Variants in CDH4 observed in about 807,000 individuals in gnomAD.
CDH4 encodes cadherin-4.
CDH4 carries 33 observed loss-of-function variants against 86.0 expected under a neutral mutation model. That is an observed-to-expected ratio of 0.38 (90% CI 0.29 to 0.51). The LOEUF (loss-of-function observed/expected upper bound fraction) is 0.51, where lower values mean the gene tolerates loss of function less well. Among genes scored for constraint, CDH4 ranks in the 20% least tolerant of loss-of-function variants. The pLI, the probability that CDH4 is intolerant of heterozygous loss-of-function variation, is 0.86. For missense variants in CDH4, 1,114 were observed against 1,307.4 expected (o/e 0.85, Z 2.28); for synonymous variants, 555 against 549.4 (o/e 1.01, Z -0.14).
intron 7 of CDH4, among the ~76,000 whole-genome samples, chr20:61,882,061 G>T (rs150546633): frequency 6.6e-6 from 1 of 152,222 alleles, no homozygotes; most frequent in African/African-American, 2.4e-5. Flanking sequence ...CAAGCCCCTG[G>T]ATGGAGCCGG....
chr20:61,921,261 GTGGAAGCGTGGTGTCACAGTGATTGCA>G (rs2054979930), intron 9 of CDH4, among the ~76,000 whole-genome samples: 1 of 139,552 alleles, frequency 7.2e-6, no homozygotes, highest in Non-Finnish European at 1.6e-5. Context: ...CGGTGATTGC[GTGGAAGCGTGGTGTCACAGTGATTGCA>G]TGGAAGCGTG....
intron 2 of CDH4, among the ~76,000 whole-genome samples, chr20:61,404,156 G>A (rs917398964): frequency 2.0e-5 from 3 of 151,750 alleles, no homozygotes; most frequent in Admixed American, 1.3e-4. Context: ...ACAGCCAGGC[G>A]GGTACAGGGG....
At chr20:61,320,878 G>A (rs919611111) in intron 2 of CDH4, among the ~76,000 whole-genome samples, 30 of 152,048 alleles carry the variant, frequency 2.0e-4, no homozygotes, top group Non-Finnish European at 4.3e-4. Flanking sequence ...GCTGTGGCGT[G>A]AAGACAGTAT....
Position 61,565,269 on chromosome 20 carries a change from GTCCTCT to G in CDH4, c.170-178292_170-178287del, listed in dbSNP as rs1568688779. On this transcript the variant is annotated intron_variant, in intron 2 of 15. Transcript: ENST00000614565. ...GGTGCTCTTGGTGATGGTGGTGGTG[GTCCTCT>G]TGGTGATGGGGTGATGGTGGTGGCG... Among the ~76,000 whole-genome samples the G allele has an allele frequency of 1.6e-4, 18 of 109,434 alleles. 2 individuals are homozygous for G. The highest frequency in any genetic ancestry group is 5.4e-4 in the East Asian group (2 of 3,734). 71.8% of individuals were successfully genotyped at this position (109,434 alleles called of 152,430 possible). A position where few individuals can be genotyped will look rare whatever the true frequency, so the allele number is the denominator to read the frequency against.
chr20:61,495,396 C>T (rs551024923), intron 2 of CDH4, among the ~76,000 whole-genome samples: 1 of 152,126 alleles, frequency 6.6e-6, no homozygotes, highest in Non-Finnish European at 1.5e-5. Flanking sequence ...AACCCCTCCC[C>T]CCGCCGCCAG....
At chr20:61,733,006 G>C (rs1258810923) in intron 2 of CDH4, among the ~76,000 whole-genome samples, 4 of 152,132 alleles carry the variant, frequency 2.6e-5, no homozygotes, top group African/African-American at 9.6e-5. Context: ...CTAGACCCCA[G>C]CTCCCACCTC....
rs1054435060 is a variant in CDH4 at position 61,735,649 on chromosome 20, G to A, written c.170-7914G>A. Among the ~76,000 whole-genome samples, 6 of 152,236 alleles carry A rather than the reference G, an allele frequency of 3.9e-5. No homozygotes were observed. The East Asian group carries it at 7.7e-4, about 20-fold the overall frequency. On this transcript the variant is annotated intron_variant, in intron 2 of 15. Coordinates refer to ENST00000614565, the MANE Select transcript of CDH4 (RefSeq NM_001794.5). ...ACATCTGCCCCCTCCGCTGGACCCC[G>A]TGCTCCCTGATGATGGTGCCCAGGG...
chr20:61,316,914 C>A (rs1026755456), intron 2 of CDH4, among the ~76,000 whole-genome samples: 1 of 151,964 alleles, frequency 6.6e-6, no homozygotes, highest in Non-Finnish European at 1.5e-5. Context: ...CTCCAGCCTC[C>A]CTCAGGTGCG....
At chr20:61,616,145 A>G (rs2086723510) in intron 2 of CDH4, among the ~76,000 whole-genome samples, 1 of 152,166 alleles carries the variant, frequency 6.6e-6, no homozygotes, top group South Asian at 2.1e-4. Context: ...AGGCAGGGAG[A>G]CTGCAGAGCT....
intron 2 of CDH4, among the ~76,000 whole-genome samples, chr20:61,308,826 T>C (rs1462823301): frequency 1.3e-5 from 2 of 152,214 alleles, no homozygotes; most frequent in African/African-American, 4.8e-5. Context: ...TTGCAGCTAC[T>C]TCAATGCCCC....
chr20:61,802,068 C>T (rs1355578336), intron 4 of CDH4, among the ~76,000 whole-genome samples: 1 of 152,216 alleles, frequency 6.6e-6, no homozygotes, highest in African/African-American at 2.4e-5. Flanking sequence ...GGTCTCTGCC[C>T]CTTTGTCCGG....
intron 2 of CDH4, among the ~76,000 whole-genome samples, chr20:61,279,388 C>T (rs2084246751): frequency 6.6e-6 from 1 of 152,180 alleles, no homozygotes; most frequent in Non-Finnish European, 1.5e-5. Context: ...CGGCCTTTTC[C>T]CAGAGGGGCC....
At chr20:61,925,538 G>A (rs931330210) in intron 11 of CDH4, among the ~76,000 whole-genome samples, 5 of 152,186 alleles carry the variant, frequency 3.3e-5, no homozygotes, top group East Asian at 1.9e-4. Context: ...ATGACTGCCC[G>A]GGCTGCTGTT....
chr20:61,441,038 C>T (rs2085312649), intron 2 of CDH4, among the ~76,000 whole-genome samples: 1 of 152,212 alleles, frequency 6.6e-6, no homozygotes, highest in South Asian at 2.1e-4. Flanking sequence ...CTGTGTCCAG[C>T]TTCAGTCTTG....
intron 2 of CDH4, among the ~76,000 whole-genome samples, chr20:61,536,148 A>T (rs903405423): frequency 6.6e-6 from 1 of 152,068 alleles, no homozygotes; most frequent in Admixed American, 6.5e-5. Context: ...CCAGGCCCAA[A>T]CCAGCCGCAG....
rs117521763 is a variant in CDH4 at position 61,884,206 on chromosome 20, G to A, written c.1050+10306G>A. 7.6e-4 allele frequency among the ~76,000 whole-genome samples: 115 copies of A among 152,290 alleles called. No homozygotes were observed. In the East Asian group the frequency reaches 0.018, roughly 24 times the overall value. ...GAGGCTCTGGGCCACCAGTGAACAC[G>A]GCCAGAGCTAGGGACACCGGAGGCC... is the stretch of plus-strand genomic sequence containing the variant. On this transcript the variant is annotated intron_variant, in intron 7 of 15. Transcript: ENST00000614565.
rs1300235160 is a variant in CDH4 at position 61,793,965 on chromosome 20, C to CT, written c.576+20783_576+20784insT. ...CATCCTGACTAACACGGTGAAACCT[C>CT]GTCTCTACTAAAAATACAAAAAAAA... On this transcript the variant is annotated intron_variant, in intron 4 of 15. Transcript: ENST00000614565. Among the ~76,000 whole-genome samples the CT allele has an allele frequency of 1.2e-3, 172 of 139,066 alleles. 1 individual carries two copies. The highest frequency in any genetic ancestry group is 1.1e-4 in the Non-Finnish European group (7 of 65,628). 91.2% of individuals were successfully genotyped at this position (139,066 alleles called of 152,430 possible).
chr20:61,402,425 C>T (rs75759864), intron 2 of CDH4, among the ~76,000 whole-genome samples: 4,887 of 151,164 alleles, frequency 0.032, 100 homozygotes, highest in Non-Finnish European at 0.045. Context: ...GGCAGAGTCT[C>T]ACTCTGTCAC....
intron 4 of CDH4, among the ~76,000 whole-genome samples, chr20:61,801,817 T>G (rs1979845085): frequency 1.3e-5 from 2 of 152,220 alleles, no homozygotes; most frequent in Admixed American, 1.3e-4. Context: ...CTGCCCTCCA[T>G]AAGGACCCTT....
Sources: gnomAD v4.1 joint callset for allele counts (sites outside exome capture counted in the v4.1 genomes callset) on GRCh38, gnomAD v4.1.1 for gene constraint, MANE v1.5 for transcripts, NCBI Gene and HGNC (gene_info 2026-07-23, HGNC 2026-07-21) for gene names.